The following FUT8 variants were observed in gnomAD, a reference collection of about 807,000 sequenced individuals.
FUT8 encodes the protein alpha-(1,6)-fucosyltransferase.
Under a neutral mutation model 71.3 loss-of-function variants are expected in FUT8, and 29 were observed. The observed-to-expected ratio is 0.41, with a 90% CI of 0.30 to 0.55. FUT8 has a LOEUF of 0.55. Ranked by LOEUF, FUT8 falls within the 20% of genes least tolerant of loss-of-function variation. The pLI is 0.34. For missense variants in FUT8, 544 were observed against 702.1 expected (o/e 0.77, Z 2.55); for synonymous variants, 254 against 239.3 (o/e 1.06, Z -0.57).
intron 1 of FUT8, among the ~76,000 whole-genome samples, chr14:65,421,194 GAAAAA>G (rs61617981): frequency 2.1e-3 from 201 of 94,834 alleles, no homozygotes; most frequent in African/African-American, 7.2e-3. Context: ...TCCATCTCAG[GAAAAA>G]AAAAAAAAAA....
At chr14:65,464,948 G>C (rs939791764) in intron 2 of FUT8, among the ~76,000 whole-genome samples, 1 of 152,206 alleles carries the variant, frequency 6.6e-6, no homozygotes, top group South Asian at 2.1e-4. Flanking sequence ...ATTATCTTGA[G>C]TGTGGTGCTT....
At chr14:65,498,805 A>G (rs956234132) in intron 2 of FUT8, among the ~76,000 whole-genome samples, 16 of 152,212 alleles carry the variant, frequency 1.1e-4, no homozygotes, top group African/African-American at 3.6e-4. Flanking sequence ...TTTTGGTTCT[A>G]TAGTAGCAGA....
At chr14:65,716,336 CT>C (rs1419061705) in intron 7 of FUT8, among the ~76,000 whole-genome samples, 8 of 144,498 alleles carry the variant, frequency 5.5e-5, no homozygotes, top group African/African-American at 1.8e-4. Context: ...ATTATATCTT[CT>C]TGATGAATTG....
chr14:65,438,327 TAG>T (rs2065592008), intron 1 of FUT8, among the ~76,000 whole-genome samples: 1 of 152,132 alleles, frequency 6.6e-6, no homozygotes, highest in African/African-American at 2.4e-5. Flanking sequence ...GAAACCTAGA[TAG>T]AGGGCCCAAT....
rs919070119 is a variant in FUT8, at chr14:65,455,530, A to G, written c.-325-91A>G. 4 of 395,368 alleles carry G rather than the reference A, an allele frequency of 1.0e-5. 1 individual carries two copies. The highest frequency in any genetic ancestry group is 1.8e-5 in the Non-Finnish European group (4 of 224,328). The allele number at this position is 395,368 out of a possible 1,614,324, so 24.5% of individuals were successfully genotyped here. A position where few individuals can be genotyped will look rare whatever the true frequency, so the allele number is the denominator to read the frequency against. ...TTTGCATGTTATGACTGGCTACATA[A>G]AGAAAAGTTAAAGGTATTTAAAAAA... On this transcript the variant is annotated intron_variant, in intron 1 of 10. Coordinates refer to ENST00000673929, the MANE Select transcript of FUT8 (RefSeq NM_001371533.1).
chr14:65,493,307 A>G (rs2066510422), intron 2 of FUT8, among the ~76,000 whole-genome samples: 1 of 152,068 alleles, frequency 6.6e-6, no homozygotes, highest in Non-Finnish European at 1.5e-5. Flanking sequence ...AATGCAGACC[A>G]CTTTATTATG....
chr14:65,692,940 A>G lies in FUT8; in HGVS notation c.835+23460A>G, dbSNP rs528546397. On this transcript the variant is annotated intron_variant, in intron 7 of 10. Transcript: ENST00000673929. The stretch of plus-strand genomic sequence containing the variant: ...CGGGCAGAGACGCTCCTCACTTCCT[A>G]GATGGGATGGTGGCCGGGAAGAGGC... 2.0e-5 allele frequency among the ~76,000 whole-genome samples: 3 copies of G among 150,856 alleles called. No individual in the cohort carries two copies. The South Asian group carries it at 6.3e-4, about 32-fold the overall frequency.
the FUT8 span, among the ~76,000 whole-genome samples, chr14:65,384,895 CTT>C: frequency 2.1e-5 from 3 of 142,888 alleles, no homozygotes; most frequent in Non-Finnish European, 3.1e-5. The surrounding 1 kb of genome is among the most constrained non-coding windows in gnomAD (Gnocchi z 4.2). Context: ...AGGTTAGATA[CTT>C]TTTTTTTTTT....
At chr14:65,650,738 A>AAAAAAAAC (rs1566875597) in intron 6 of FUT8, among the ~76,000 whole-genome samples, 1 of 150,208 alleles carries the variant, frequency 6.7e-6, no homozygotes, top group African/African-American at 2.5e-5. Flanking sequence ...AACAAAAAAA[A>AAAAAAAAC]CCACAAACTT....
At chr14:65,683,824 GAC>G (rs1366731974) in intron 7 of FUT8, among the ~76,000 whole-genome samples, 1 of 151,866 alleles carries the variant, frequency 6.6e-6, no homozygotes, top group Non-Finnish European at 1.5e-5. Flanking sequence ...CTATATTCAT[GAC>G]ATTTTTTTAA....
chr14:65,375,407 C>A, the FUT8 span, among the ~76,000 whole-genome samples: 2 of 151,962 alleles, frequency 1.3e-5, no homozygotes, highest in East Asian at 1.9e-4. Context: ...ATTGTTTGAG[C>A]CAGGAGTTTG....
At chr14:65,456,691 G>A (rs1308677797) in intron 2 of FUT8, among the ~76,000 whole-genome samples, 1 of 151,934 alleles carries the variant, frequency 6.6e-6, no homozygotes, top group Non-Finnish European at 1.5e-5. Flanking sequence ...TGGCCAACAT[G>A]ATGAAACCTC....
At chr14:65,685,366 T>C (rs1893233902) in intron 7 of FUT8, among the ~76,000 whole-genome samples, 1 of 152,176 alleles carries the variant, frequency 6.6e-6, no homozygotes, top group African/African-American at 2.4e-5. Context: ...TTTAAAGAAA[T>C]ATAATTGTAG....
intron 2 of FUT8, chr14:65,468,432 CT>C: frequency 2.9e-6 from 1 of 347,282 alleles, no homozygotes; most frequent in South Asian, 2.8e-5. Context: ...TCACTTCACT[CT>C]TTTTGCTTGC....
intron 7 of FUT8, among the ~76,000 whole-genome samples, chr14:65,685,113 A>AATTT (rs1225707654): frequency 7.2e-5 from 11 of 152,184 alleles, no homozygotes; most frequent in Non-Finnish European, 1.5e-4. Flanking sequence ...GCTAGTGACT[A>AATTT]CCAGAAAGAA....
intron 1 of FUT8, among the ~76,000 whole-genome samples, chr14:65,440,567 A>C (rs2065638731): frequency 6.6e-6 from 1 of 152,194 alleles, no homozygotes; most frequent in African/African-American, 2.4e-5. Flanking sequence ...GCTTGATTTA[A>C]TCATTCCACA....
At chr14:65,362,291 G>C in the FUT8 span, among the ~76,000 whole-genome samples, 1 of 152,158 alleles carries the variant, frequency 6.6e-6, no homozygotes, top group South Asian at 2.1e-4. Context: ...GTCTTCTAAG[G>C]AGCATGCTGT....
In FUT8 at chr14:65,536,358, T is replaced by C. The variant is rs73284186; in HGVS notation, c.-227-24979T>C. Among the ~76,000 whole-genome samples, 1,419 of 152,328 alleles carry C rather than the reference T, an allele frequency of 9.3e-3. 21 individuals carry two copies. The highest frequency in any genetic ancestry group is 0.033 in the African/African-American group (1,352 of 41,566). On this transcript the variant is annotated intron_variant, in intron 2 of 10. Transcript: ENST00000673929. Reference sequence around the variant, plus strand: ...TTGCTTTATAGTGTCACTTGGTCTGTGTACTTCAGTGTGTTTTTGTAGTGG... The same window carrying C: ...TTGCTTTATAGTGTCACTTGGTCTGCGTACTTCAGTGTGTTTTTGTAGTGG...
chr14:65,701,351 A>G (rs1334462700), intron 7 of FUT8, among the ~76,000 whole-genome samples: 2 of 152,212 alleles, frequency 1.3e-5, no homozygotes, highest in African/African-American at 4.8e-5. Flanking sequence ...AAGTGTTTAA[A>G]TAGATAATAG....
Sources: allele counts gnomAD v4.1 joint callset (sites outside exome capture counted in the v4.1 genomes callset), GRCh38; gene constraint gnomAD v4.1.1; non-coding constraint Gnocchi (gnomAD v3.1); transcripts MANE v1.5; gene names NCBI Gene and HGNC (gene_info 2026-07-23, HGNC 2026-07-21).